The following ROBO1 variants were observed in gnomAD, a reference collection of about 807,000 sequenced individuals.
The protein encoded by ROBO1 is roundabout guidance receptor 1, also known as roundabout homolog 1.
Under a neutral mutation model 195.9 loss-of-function variants are expected in ROBO1, and 149 were observed. The ratio of observed to expected loss-of-function variants is 0.76; its 90% CI spans 0.67 to 0.87. ROBO1 has a LOEUF of 0.87. ROBO1 is among the 40% of genes least tolerant of loss of function. The pLI is 0.00. For synonymous variants in ROBO1, 816 were observed against 733.2 expected (o/e 1.11, Z -1.82); for missense variants, 1,933 against 2,068.3 (o/e 0.93, Z 1.27).
At chr3:79,275,763 G>T (rs2030979715) in intron 2 of ROBO1, among the ~76,000 whole-genome samples, 1 of 151,748 alleles carries the variant, frequency 6.6e-6, no homozygotes, top group Non-Finnish European at 1.5e-5. Flanking sequence ...TATTGGAACT[G>T]AAAAACAAAT....
At chr3:78,853,897 T>C (rs2034239086) in intron 4 of ROBO1, among the ~76,000 whole-genome samples, 1 of 152,064 alleles carries the variant, frequency 6.6e-6, no homozygotes, top group African/African-American at 2.4e-5. Context: ...TCAGATCTCA[T>C]GAGACTTATT....
intron 2 of ROBO1, among the ~76,000 whole-genome samples, chr3:79,441,409 G>C (rs2039048922): frequency 6.6e-6 from 1 of 152,046 alleles, no homozygotes; most frequent in East Asian, 1.9e-4. Flanking sequence ...ATGTATTTCT[G>C]TATGGCGGCA....
chr3:79,249,421 A>G (rs1250648275), intron 2 of ROBO1, among the ~76,000 whole-genome samples: 2 of 152,282 alleles, frequency 1.3e-5, no homozygotes, highest in East Asian at 1.9e-4. Context: ...CATCTCACCT[A>G]TGACCCCTCC....
At chr3:79,370,312 G>A (rs1393286899) in intron 2 of ROBO1, among the ~76,000 whole-genome samples, 2 of 151,904 alleles carry the variant, frequency 1.3e-5, no homozygotes, top group Non-Finnish European at 2.9e-5. Context: ...AAACTGAGAT[G>A]GCCCCCCTGT....
chr3:78,664,831 T>C (rs1279139694), intron 14 of ROBO1, among the ~76,000 whole-genome samples: 1 of 152,164 alleles, frequency 6.6e-6, no homozygotes, highest in Non-Finnish European at 1.5e-5. Context: ...GTCCCTCCAG[T>C]GAAATATTTT....
intron 3 of ROBO1, among the ~76,000 whole-genome samples, chr3:78,993,378 T>TC (rs1453290709): frequency 1.3e-5 from 2 of 152,046 alleles, no homozygotes; most frequent in East Asian, 1.9e-4. Flanking sequence ...GACCTTATTT[T>TC]CCCCCTCATA....
intron 2 of ROBO1, among the ~76,000 whole-genome samples, chr3:79,342,874 A>C (rs1576999614): frequency 6.6e-6 from 1 of 152,196 alleles, no homozygotes; most frequent in Admixed American, 6.5e-5. Context: ...CAGAGTCCAT[A>C]GCTTAGAATT....
At chr3:79,401,461 T>G (rs1324432980) in intron 2 of ROBO1, among the ~76,000 whole-genome samples, 1 of 151,854 alleles carries the variant, frequency 6.6e-6, no homozygotes, top group Non-Finnish European at 1.5e-5. Flanking sequence ...ATGAATAATA[T>G]TTAATAATAA....
intron 3 of ROBO1, among the ~76,000 whole-genome samples, chr3:79,121,314 T>C (rs1278571507): frequency 1.3e-5 from 2 of 152,120 alleles, no homozygotes; most frequent in African/African-American, 2.4e-5. Flanking sequence ...GACACAAGAA[T>C]CAGTGTCATC....
At chr3:78,957,796 C>T (rs1439709071) in intron 3 of ROBO1, among the ~76,000 whole-genome samples, 3 of 152,166 alleles carry the variant, frequency 2.0e-5, no homozygotes, top group Non-Finnish European at 4.4e-5. Flanking sequence ...ATGCTAATTC[C>T]TAGTCTATGC....
At chr3:79,399,149 G>A (rs1177705350) in intron 2 of ROBO1, among the ~76,000 whole-genome samples, 1 of 152,112 alleles carries the variant, frequency 6.6e-6, no homozygotes, top group Non-Finnish European at 1.5e-5. Flanking sequence ...CTCCTCTGAG[G>A]CAGCAGTAAG....
At chr3:78,822,831 T>A (rs190654778) in intron 4 of ROBO1, among the ~76,000 whole-genome samples, 1 of 152,226 alleles carries the variant, frequency 6.6e-6, no homozygotes, top group Non-Finnish European at 1.5e-5. Flanking sequence ...GAGTAGAATA[T>A]ACTTTATTCA....
intron 3 of ROBO1, among the ~76,000 whole-genome samples, chr3:79,019,927 C>A (rs1320825152): frequency 6.6e-6 from 1 of 152,114 alleles, no homozygotes; most frequent in Non-Finnish European, 1.5e-5. Context: ...CTATCCAGAA[C>A]ATATCAGTAG....
rs559076851 is a variant in ROBO1 at position 78,811,008 on chromosome 3, C to T, written c.500-64108G>A. On this transcript the variant is annotated intron_variant, in intron 4 of 30. Coordinates refer to ENST00000464233, the MANE Select transcript of ROBO1 (RefSeq NM_002941.4). ...TCCAGTGAGGCCAAATGTGTTCACTCCTAACCAGTTACCCTCTGTAACTGG... is the reference window on the plus strand; with the variant it reads ...TCCAGTGAGGCCAAATGTGTTCACTTCTAACCAGTTACCCTCTGTAACTGG... 6.6e-5 allele frequency among the ~76,000 whole-genome samples: 10 copies of T among 152,228 alleles called. No individual in the cohort carries two copies. The South Asian group carries it at 2.1e-3, about 32-fold the overall frequency.
Position 79,409,440 on chromosome 3 carries a change from A to T in ROBO1, c.88+180384T>A, listed in dbSNP as rs76847080. On this transcript the variant is annotated intron_variant, in intron 2 of 30. Coordinates refer to ENST00000464233, the MANE Select transcript of ROBO1 (RefSeq NM_002941.4). ...AATTATATTATGCAACTCTCCATTC[A>T]TAAGGAAATTGAAGATCTCTCCAAA... Among the ~76,000 whole-genome samples the T allele has an allele frequency of 1.6e-4, 24 of 152,292 alleles. No homozygotes were observed. In the East Asian group the frequency reaches 4.4e-3, roughly 28 times the overall value.
chr3:79,018,759 C>G, intron 3 of ROBO1: 1 of 1,145,852 alleles, frequency 8.7e-7, no homozygotes, highest in Non-Finnish European at 1.1e-6. Context: ...GAGGCAGAAG[C>G]GCAGTAGTGC....
chr3:79,480,494 CTAGG>C (rs1938781422), intron 2 of ROBO1, among the ~76,000 whole-genome samples: 1 of 152,012 alleles, frequency 6.6e-6, no homozygotes, highest in Admixed American at 6.6e-5. Flanking sequence ...GCTAGATGGG[CTAGG>C]TAAATTTTTT....
chr3:79,652,290 T>C (rs559148396), intron 1 of ROBO1, among the ~76,000 whole-genome samples: 5 of 152,204 alleles, frequency 3.3e-5, no homozygotes, highest in African/African-American at 9.6e-5. Flanking sequence ...TTTGTCTTTC[T>C]TGTCTCTCTT....
chr3:79,280,679 T>C, intron 2 of ROBO1, among the ~76,000 whole-genome samples: 1 of 152,142 alleles, frequency 6.6e-6, no homozygotes, highest in East Asian at 1.9e-4. Context: ...AGAAGCCAAT[T>C]TTTCCACTGA....
Sources: allele counts gnomAD v4.1 joint callset (sites outside exome capture counted in the v4.1 genomes callset), GRCh38; gene constraint gnomAD v4.1.1; transcripts MANE v1.5; gene names NCBI Gene and HGNC (gene_info 2026-07-23, HGNC 2026-07-21).